Variants in ELF5 observed in about 807,000 individuals in gnomAD.
The protein encoded by ELF5 is E74 like ETS transcription factor 5, also known as ETS-related transcription factor Elf-5.
ELF5 carries 31 observed loss-of-function variants against 38.2 expected under a neutral mutation model. The ratio of observed to expected loss-of-function variants is 0.81; its 90% CI spans 0.61 to 1.10. ELF5 has a LOEUF of 1.10. Among genes scored for constraint, ELF5 ranks in the 50% least tolerant of loss-of-function variants. The pLI is 0.00. For synonymous variants in ELF5, 121 were observed against 112.5 expected, an observed-to-expected ratio of 1.08 and a Z score of -0.48; for missense variants, 300 against 306.6, an observed-to-expected ratio of 0.98 and a Z score of 0.16.
chr11:34,509,614 GA>G (rs1481992524), intron 1 of ELF5, among the ~76,000 whole-genome samples: 7 of 151,704 alleles, frequency 4.6e-5, no homozygotes, highest in Admixed American at 4.6e-4. Context: ...TATCCTGAGT[GA>G]GGGGGGCAGG....
At chr11:34,489,940 G>C (rs999674754) in intron 4 of ELF5, 69 bp downstream of exon 4, 331 of 1,561,612 alleles carry the variant, frequency 2.1e-4, no homozygotes, top group Non-Finnish European at 2.8e-4. Flanking sequence ...GATCCTAAAA[G>C]AATGGTCAAG....
Position 34,480,214 on chromosome 11 carries a change from C to T in ELF5, c.*4G>A, listed in dbSNP as rs199875678. 8 of 1,612,424 alleles carry T rather than the reference C, an allele frequency of 5.0e-6. No individual in the cohort carries two copies. In the East Asian group the frequency reaches 1.8e-4, roughly 36 times the overall value. On this transcript the variant is annotated 3_prime_UTR_variant, in exon 7 of 7. Transcript: ENST00000257832. ...CATAAAATGAGCTTGATGCCTGGAG[C>T]AGATCATAGCTTGTCTTCCTGCCAC...
At position 34,493,549 on chromosome 11, in the gene ELF5, C is replaced by T. The variant is rs760008736; in HGVS notation, c.285G>A (p.Glu95=). Residue 95 remains glutamate (E), a synonymous_variant, in exon 3 of 7, where the codon GAG becomes GAA. Coordinates refer to ENST00000257832, the MANE Select transcript of ELF5 (RefSeq NM_001422.4). ...AGAGGCCAGCTGCCTCGACGAACTC[C>T]TCCTGTGTCATGCTGCACAGCTGCA... ...SGLQLCSMTQ[E]EFVEAAGLCG... 2.5e-6 allele frequency: 4 copies of T among 1,614,222 alleles called. No individual in the cohort carries two copies. Among genetic ancestry groups the T allele is most frequent in the Non-Finnish European group, 3.4e-6 (4 of 1,180,040 alleles).
chr11:34,496,286 A>AG (rs1456678632), intron 2 of ELF5, among the ~76,000 whole-genome samples: 1 of 152,174 alleles, frequency 6.6e-6, no homozygotes, highest in Non-Finnish European at 1.5e-5. Flanking sequence ...CCTGGAGGGG[A>AG]GCCAGAGCCC....
At chr11:34,489,700 G>A (rs747387784) in intron 4 of ELF5, among the ~76,000 whole-genome samples, 9 of 152,116 alleles carry the variant, frequency 5.9e-5, no homozygotes, top group East Asian at 3.8e-4. Context: ...CACTGGTGGC[G>A]CATGCTGGGC....
Position 34,480,222 on chromosome 11 carries a change from A to G in ELF5, c.764T>C (p.Leu255Pro), listed in dbSNP as rs774566142. 1 of 1,613,796 alleles carries G rather than the reference A, an allele frequency of 6.2e-7. No homozygotes were observed. Reference protein sequence around the residue: ...KNAHGWQEDKL With the variant: ...KNAHGWQEDKP Reference sequence around the variant, plus strand: ...GAGCTTGATGCCTGGAGCAGATCATAGCTTGTCTTCCTGCCACCCGTGTGC... The same window carrying G: ...GAGCTTGATGCCTGGAGCAGATCATGGCTTGTCTTCCTGCCACCCGTGTGC... The change falls in exon 7 of 7, where the codon CTA becomes CCA. Residue 255 changes from leucine to proline, a missense_variant. Transcript: ENST00000257832.
intron 3 of ELF5, chr11:34,491,958 G>C (rs1444531634): frequency 6.6e-6 from 1 of 152,228 alleles, no homozygotes; most frequent in Non-Finnish European, 1.5e-5. Flanking sequence ...TGCCAGCACA[G>C]GGGCTGCACA....
chr11:34,490,046 A>G lies in ELF5; in HGVS notation c.369T>C (p.Phe123=). 1 of 1,613,730 alleles carries G rather than the reference A, an allele frequency of 6.2e-7. No individual in the cohort carries two copies. The highest frequency in any genetic ancestry group is 1.7e-5 in the Admixed American group (1 of 60,014). Residue 123 remains phenylalanine (F), a synonymous_variant, in exon 4 of 7, where the codon TTT becomes TTC. Coordinates refer to ENST00000257832, the MANE Select transcript of ELF5 (RefSeq NM_001422.4). Reference sequence around the variant, plus strand: ...TGGCCTTGCTTTCTTCAGCGTCATTAAAAAAGGAGTAACCTGGGAAAGAAA... The same window carrying G: ...TGGCCTTGCTTTCTTCAGCGTCATTGAAAAAGGAGTAACCTGGGAAAGAAA... ...QNIRTQGYSF[F]NDAEESKATI...
At chr11:34,505,581 C>T (rs1253975694) in intron 2 of ELF5, 48 bp downstream of exon 2, 2 of 1,609,692 alleles carry the variant, frequency 1.2e-6, no homozygotes, top group South Asian at 1.1e-5. Context: ...ACCTCCTGCC[C>T]TAGCCCATCC....
chr11:34,490,428 T>C (rs1210779350), intron 3 of ELF5, among the ~76,000 whole-genome samples: 1 of 152,138 alleles, frequency 6.6e-6, no homozygotes, highest in African/African-American at 2.4e-5. Context: ...TCTGGGCTTG[T>C]TGGTTTTTCT....
chr11:34,511,455 A>G, intron 1 of ELF5: 1 of 1,556,454 alleles, frequency 6.4e-7, no homozygotes, highest in Admixed American at 1.7e-5. Flanking sequence ...CTAGCTGCCT[A>G]GTAAGTAGGA....
intron 1 of ELF5, among the ~76,000 whole-genome samples, chr11:34,510,465 C>G (rs144009919): frequency 1.3e-4 from 20 of 152,270 alleles, no homozygotes; most frequent in Middle Eastern, 3.4e-3. Flanking sequence ...TCTAGGCCCT[C>G]TAAGGTCCTT....
chr11:34,487,555 G>A (rs534937179), intron 4 of ELF5, among the ~76,000 whole-genome samples: 11 of 152,238 alleles, frequency 7.2e-5, no homozygotes, highest in East Asian at 3.9e-4. Context: ...GATCACTTTC[G>A]TGCTTATGAC....
intron 2 of ELF5, among the ~76,000 whole-genome samples, chr11:34,496,253 C>A (rs867913278): frequency 1.3e-5 from 2 of 152,220 alleles, no homozygotes; most frequent in Non-Finnish European, 1.5e-5. Flanking sequence ...ACCCACAGAG[C>A]GGCTTTGTGT....
chr11:34,495,835 A>C (rs569664516), intron 2 of ELF5, among the ~76,000 whole-genome samples: 18 of 152,288 alleles, frequency 1.2e-4, no homozygotes, highest in African/African-American at 4.1e-4. Flanking sequence ...CTGGCAGAAC[A>C]AGGGGCCATT....
intron 4 of ELF5, among the ~76,000 whole-genome samples, chr11:34,483,118 G>A (rs1355381007): frequency 6.6e-6 from 1 of 151,718 alleles, no homozygotes; most frequent in Non-Finnish European, 1.5e-5. Flanking sequence ...CTCCAGAAAC[G>A]TGCAGGCACA....
chr11:34,486,272 T>G (rs1360667367), intron 4 of ELF5, among the ~76,000 whole-genome samples: 1 of 152,060 alleles, frequency 6.6e-6, no homozygotes, highest in Non-Finnish European at 1.5e-5. Context: ...GCTTGGTTCC[T>G]GGGCCCAGAA....
At chr11:34,487,161 G>T (rs890330285) in intron 4 of ELF5, among the ~76,000 whole-genome samples, 1 of 152,116 alleles carries the variant, frequency 6.6e-6, no homozygotes, top group Admixed American at 6.5e-5. Flanking sequence ...GGTCCTCAGG[G>T]GTCTCGGGGG....
intron 2 of ELF5, among the ~76,000 whole-genome samples, chr11:34,498,505 T>C (rs1850371577): frequency 6.6e-6 from 1 of 152,228 alleles, no homozygotes; most frequent in African/African-American, 2.4e-5. Context: ...GTTAGGTCCC[T>C]TAATGCTGCC....
Sources: allele counts gnomAD v4.1 joint callset (sites outside exome capture counted in the v4.1 genomes callset), GRCh38; gene constraint gnomAD v4.1.1; transcripts MANE v1.5; gene names NCBI Gene and HGNC (gene_info 2026-07-23, HGNC 2026-07-21).